SLC39A12: variants seen among roughly 807,000 people sequenced by gnomAD.
The protein encoded by SLC39A12 is solute carrier family 39 member 12, also known as zinc transporter ZIP12.
In SLC39A12, 63 loss-of-function variants were observed where a neutral mutation model predicts 71.1. The ratio of observed to expected loss-of-function variants is 0.89; its 90% CI spans 0.72 to 1.09. SLC39A12 has a LOEUF of 1.09. SLC39A12 is among the 50% of genes least tolerant of loss of function. SLC39A12 has a pLI of 0.00. For missense variants in SLC39A12, 892 were observed against 812.6 expected (o/e 1.10, Z -1.19); for synonymous variants, 351 against 301.3 (o/e 1.16, Z -1.71).
chr10:18,041,844 C>CATAT (rs1837262140), intron 12 of SLC39A12, among the ~76,000 whole-genome samples: 1 of 140,036 alleles, frequency 7.1e-6, no homozygotes, highest in African/African-American at 2.9e-5. Flanking sequence ...CATATGTATA[C>CATAT]GTATATATAT....
At chr10:17,959,442 C>T (rs1434844052) in intron 2 of SLC39A12, among the ~76,000 whole-genome samples, 6 of 152,086 alleles carry the variant, frequency 3.9e-5, no homozygotes, top group African/African-American at 1.4e-4. Flanking sequence ...TTTGTTTCTT[C>T]CTGACTCAGA....
intron 2 of SLC39A12, among the ~76,000 whole-genome samples, chr10:17,961,178 G>A (rs950819958): frequency 6.6e-6 from 1 of 152,218 alleles, no homozygotes; most frequent in African/African-American, 2.4e-5. Flanking sequence ...AGGGGCAGAA[G>A]TTGAGTGAGA....
At chr10:18,023,636 A>G (rs1450792441) in intron 12 of SLC39A12, among the ~76,000 whole-genome samples, 1 of 152,078 alleles carries the variant, frequency 6.6e-6, no homozygotes, top group African/African-American at 2.4e-5. Context: ...CTCACAGGGA[A>G]GAGAGACTGG....
intron 4 of SLC39A12, among the ~76,000 whole-genome samples, chr10:17,970,998 T>C (rs1369103877): frequency 6.6e-6 from 1 of 152,026 alleles, no homozygotes; most frequent in Non-Finnish European, 1.5e-5. Context: ...TTTTTTAGGG[T>C]TTTTATCATG....
chr10:17,973,981 G>A (rs1485823160), intron 4 of SLC39A12, among the ~76,000 whole-genome samples: 1 of 150,624 alleles, frequency 6.6e-6, no homozygotes, highest in Non-Finnish European at 1.5e-5. Flanking sequence ...TCTTCCACTT[G>A]ATCAGTTCTG....
intron 7 of SLC39A12, among the ~76,000 whole-genome samples, chr10:17,987,915 T>C (rs573860158): frequency 2.0e-5 from 3 of 152,182 alleles, no homozygotes; most frequent in Non-Finnish European, 4.4e-5. Flanking sequence ...GGCTCACACC[T>C]GTAATCCCAG....
At chr10:18,010,786 G>A (rs141256439) in intron 12 of SLC39A12, among the ~76,000 whole-genome samples, 6 of 152,066 alleles carry the variant, frequency 3.9e-5, no homozygotes, top group East Asian at 1.9e-4. Context: ...AATGCAGTTG[G>A]CCCTAGAACA....
chr10:17,968,270 G>T (rs114991951), intron 4 of SLC39A12, among the ~76,000 whole-genome samples: 2,066 of 151,888 alleles, frequency 0.014, 41 homozygotes, highest in African/African-American at 0.043. Flanking sequence ...TCAATATAAC[G>T]TTAAATAATA....
At chr10:18,023,099 G>A (rs549031418) in intron 12 of SLC39A12, among the ~76,000 whole-genome samples, 4 of 152,220 alleles carry the variant, frequency 2.6e-5, no homozygotes, top group African/African-American at 9.6e-5. Flanking sequence ...GCCCTCTGGG[G>A]CTGTGCATCA....
intron 2 of SLC39A12, among the ~76,000 whole-genome samples, chr10:17,954,603 A>T (rs1340573579): frequency 6.6e-6 from 1 of 151,770 alleles, no homozygotes; most frequent in African/African-American, 2.4e-5. Flanking sequence ...TTTATTCATT[A>T]GGGAGGGTGG....
chr10:17,981,876 G>A (rs1438610847), intron 6 of SLC39A12, among the ~76,000 whole-genome samples: 2 of 152,178 alleles, frequency 1.3e-5, no homozygotes, highest in East Asian at 1.9e-4. Flanking sequence ...AACATAAAAG[G>A]CCATAGCTGA....
Position 17,995,708 on chromosome 10 carries a change from C to A in SLC39A12, c.1586C>A (p.Ala529Asp), listed in dbSNP as rs1210128793. 3 of 1,612,728 alleles carry A rather than the reference C, an allele frequency of 1.9e-6. No individual in the cohort carries two copies. The highest frequency in any genetic ancestry group is 2.2e-5 in the South Asian group (2 of 90,672). Residue 529 changes from alanine to aspartate, a missense_variant, in exon 10 of 13, where the codon GCC (alanine) becomes GAC (aspartate). Coordinates refer to ENST00000377369, the MANE Select transcript of SLC39A12 (RefSeq NM_001145195.2). Reference sequence around the variant, plus strand: ...GAAATGCCTATAGGCAGTATGACAGCCTCCAACAGAAAATGTGAGTACCAA... The same window carrying A: ...GAAATGCCTATAGGCAGTATGACAGACTCCAACAGAAAATGTGAGTACCAA... ...AAEMPIGSMT[A>D]SNRKCKAISL... is the part of the protein sequence containing the mutation.
chr10:18,032,800 T>C (rs1836886876), intron 12 of SLC39A12, among the ~76,000 whole-genome samples: 1 of 151,300 alleles, frequency 6.6e-6, no homozygotes, highest in Non-Finnish European at 1.5e-5. Flanking sequence ...CATAGATAGC[T>C]CTTATTATTT....
At chr10:17,996,852 G>T (rs1320199946) in intron 10 of SLC39A12, among the ~76,000 whole-genome samples, 1 of 151,898 alleles carries the variant, frequency 6.6e-6, no homozygotes, top group Non-Finnish European at 1.5e-5. Context: ...CAAAAAATTA[G>T]CAGGGCGTAG....
Position 17,953,334 on chromosome 10 carries a change from C to G in SLC39A12, c.58C>G (p.Arg20Gly), listed in dbSNP as rs534225003. 6.8e-6 allele frequency: 11 copies of G among 1,614,108 alleles called. No individual in the cohort carries two copies. Among genetic ancestry groups the G allele is most frequent in the South Asian group, 3.3e-5 (3 of 91,084 alleles). ...SWVPLFLLLS[R>G]VFSTETDKPS... ...GGTGCCATTGTTTCTTCTACTCAGC[C>G]GTGTTTTTTCTACTGAGACAGACAA... Residue 20 changes from arginine to glycine, a missense_variant, in exon 2 of 13, where the codon CGT (arginine) becomes GGT (glycine). Arg to Gly is a moderately radical substitution (Grantham distance 125, BLOSUM62 -2). Coordinates refer to ENST00000377369, the MANE Select transcript of SLC39A12 (RefSeq NM_001145195.2).
In SLC39A12 at chr10:17,953,373, G is replaced by C; in HGVS notation, c.97G>C (p.Asp33His). The C allele has an allele frequency of 1.9e-6, 3 of 1,614,130 alleles. No individual in the cohort carries two copies. Among genetic ancestry groups the C allele is most frequent in the Non-Finnish European group, 2.5e-6 (3 of 1,180,036 alleles). Residue 33 changes from aspartate to histidine, a missense_variant, in exon 2 of 13, where the codon GAT (aspartate) becomes CAT (histidine). Asp to His is a moderately conservative substitution (Grantham distance 81). Coordinates refer to ENST00000377369, the MANE Select transcript of SLC39A12 (RefSeq NM_001145195.2). The part of the protein sequence containing the change: ...STETDKPSAQ[D>H]SRSRGSSGQP... The stretch of plus-strand genomic sequence containing the variant: ...TGAGACAGACAAACCCTCAGCCCAG[G>C]ATAGCAGAAGCCGTGGGAGTTCAGG...
intron 12 of SLC39A12, among the ~76,000 whole-genome samples, chr10:18,041,699 A>G (rs1373515511): frequency 3.9e-5 from 4 of 103,230 alleles, no homozygotes; most frequent in African/African-American, 7.5e-5. Context: ...ATATATGTGT[A>G]TATATATGTA....
At chr10:17,979,895 G>A (rs568985123) in intron 5 of SLC39A12, among the ~76,000 whole-genome samples, 18 of 152,278 alleles carry the variant, frequency 1.2e-4, no homozygotes, top group African/African-American at 4.1e-4. Flanking sequence ...TTGGGTTCTT[G>A]GAGTGAAAAG....
intron 12 of SLC39A12, among the ~76,000 whole-genome samples, chr10:18,037,836 A>G (rs1837101522): frequency 6.6e-6 from 1 of 151,684 alleles, no homozygotes; most frequent in Admixed American, 6.6e-5. Context: ...CTTGGCCAAC[A>G]TCATGAAACC....
Sources: allele counts gnomAD v4.1 joint callset (sites outside exome capture counted in the v4.1 genomes callset), GRCh38; gene constraint gnomAD v4.1.1; transcripts MANE v1.5; gene names NCBI Gene and HGNC (gene_info 2026-07-23, HGNC 2026-07-21).